The following ARMH4 variants were observed in gnomAD, a reference collection of about 807,000 sequenced individuals.
ARMH4 encodes the protein armadillo like helical domain containing 4, also known as armadillo-like helical domain-containing protein 4.
ARMH4 carries 49 observed loss-of-function variants against 61.9 expected under a neutral mutation model. The observed-to-expected ratio is 0.79, with a 90% CI of 0.63 to 1.00. ARMH4 has a LOEUF of 1.00. Among genes scored for constraint, ARMH4 ranks in the 50% least tolerant of loss-of-function variants. The probability of loss-of-function intolerance (pLI) is 0.00; values close to 1 mark genes in which losing one functional copy is unlikely to be tolerated. For missense variants in ARMH4, 934 were observed against 930.0 expected, an observed-to-expected ratio of 1.00 and a Z score of -0.06; for synonymous variants, 368 against 341.5, an observed-to-expected ratio of 1.08 and a Z score of -0.85.
At chr14:58,041,049 G>A (rs958155852) in intron 5 of ARMH4, among the ~76,000 whole-genome samples, 31 of 152,208 alleles carry the variant, frequency 2.0e-4, no homozygotes, top group African/African-American at 5.3e-4. Context: ...CGCAGAAGAC[G>A]GGTGATTTCT....
intron 5 of ARMH4, among the ~76,000 whole-genome samples, chr14:58,083,895 T>TA: frequency 6.6e-6 from 1 of 152,354 alleles, no homozygotes; most frequent in South Asian, 2.1e-4. Context: ...TTGCCTGGCT[T>TA]CTTCATTAAT....
chr14:58,015,271 C>T (rs1342577967), intron 5 of ARMH4, among the ~76,000 whole-genome samples: 1 of 152,184 alleles, frequency 6.6e-6, no homozygotes, highest in Non-Finnish European at 1.5e-5. Flanking sequence ...TCTGAAGGAG[C>T]ATGTTCCATT....
rs118026510 is a variant in ARMH4 at position 58,004,369 on chromosome 14, A to G, written c.*367T>C. 1,086 of 164,866 alleles carry G rather than the reference A, an allele frequency of 6.6e-3. 10 individuals carry two copies. The highest frequency in any genetic ancestry group is 0.015 in the Middle Eastern group (5 of 328). The allele number at this position is 164,866 out of a possible 1,614,324, so 10.2% of individuals were successfully genotyped here. On this transcript the variant is annotated 3_prime_UTR_variant, in exon 8 of 8. Coordinates refer to ENST00000267485, the MANE Select transcript of ARMH4 (RefSeq NM_001001872.4). The stretch of plus-strand genomic sequence containing the variant: ...CAGAGTCAAGCATGCCTTGGTGGCA[A>G]CAATCATTATTCTCAATGCAGGTAA...
At chr14:58,043,632 G>A (rs2141187065) in intron 5 of ARMH4, among the ~76,000 whole-genome samples, 1 of 152,280 alleles carries the variant, frequency 6.6e-6, no homozygotes, top group Admixed American at 6.5e-5. Flanking sequence ...AGGAAATAAA[G>A]GGTATTCAAT....
At chr14:58,137,641 G>A (rs1367342858) in intron 2 of ARMH4, among the ~76,000 whole-genome samples, 3 of 152,206 alleles carry the variant, frequency 2.0e-5, no homozygotes, top group South Asian at 2.1e-4. Context: ...CAAGTAAGCC[G>A]CCTGCCTTGG....
chr14:58,115,227 A>C (rs1196832272), intron 4 of ARMH4, among the ~76,000 whole-genome samples: 1 of 152,224 alleles, frequency 6.6e-6, no homozygotes, highest in African/African-American at 2.4e-5. Context: ...ATCTATGAGA[A>C]ATTTAAACAA....
intron 5 of ARMH4, among the ~76,000 whole-genome samples, chr14:58,078,187 G>C (rs893591954): frequency 6.6e-6 from 1 of 152,178 alleles, no homozygotes; most frequent in Non-Finnish European, 1.5e-5. Flanking sequence ...AAAAGCTTAT[G>C]AGCTCCTCTG....
At chr14:58,061,647 T>C (rs990898537) in intron 5 of ARMH4, among the ~76,000 whole-genome samples, 8 of 152,174 alleles carry the variant, frequency 5.3e-5, no homozygotes, top group African/African-American at 1.9e-4. Context: ...AAACGTCAAA[T>C]ATGACTATAG....
intron 1 of ARMH4, among the ~76,000 whole-genome samples, chr14:58,142,338 AT>A (rs1225173405): frequency 6.6e-6 from 1 of 152,078 alleles, no homozygotes; most frequent in Non-Finnish European, 1.5e-5. Context: ...GTGTTATCTC[AT>A]TTAGTCTTAT....
At chr14:58,080,117 TTA>T (rs34824218) in intron 5 of ARMH4, among the ~76,000 whole-genome samples, 63,600 of 145,800 alleles carry the variant, frequency 0.44, 13,944 homozygotes, top group Non-Finnish European at 0.46. Flanking sequence ...TTATATTTAT[TTA>T]TATATATATA....
At chr14:58,011,244 A>G (rs1882395952) in intron 6 of ARMH4, among the ~76,000 whole-genome samples, 1 of 152,184 alleles carries the variant, frequency 6.6e-6, no homozygotes, top group South Asian at 2.1e-4. Flanking sequence ...CAATTATATA[A>G]ATTTATTTGC....
chr14:58,104,088 T>G (rs1886088791), intron 4 of ARMH4, among the ~76,000 whole-genome samples: 1 of 152,198 alleles, frequency 6.6e-6, no homozygotes, highest in Non-Finnish European at 1.5e-5. Context: ...TGGAGGACAC[T>G]GCTAGGGTCA....
intron 5 of ARMH4, among the ~76,000 whole-genome samples, chr14:58,029,464 C>A (rs1464850739): frequency 6.6e-6 from 1 of 152,126 alleles, no homozygotes; most frequent in Non-Finnish European, 1.5e-5. Context: ...GAACTCCTGA[C>A]CTCAGGTGAT....
At chr14:58,148,439 G>A (rs1047645766) in intron 1 of ARMH4, among the ~76,000 whole-genome samples, 12 of 152,048 alleles carry the variant, frequency 7.9e-5, no homozygotes, top group Non-Finnish European at 1.5e-4. Context: ...TCCCATTCTG[G>A]CCCATTCTTT....
At chr14:58,058,630 T>C (rs1884425648) in intron 5 of ARMH4, among the ~76,000 whole-genome samples, 1 of 152,190 alleles carries the variant, frequency 6.6e-6, no homozygotes, top group Non-Finnish European at 1.5e-5. Context: ...TTTAGCATGC[T>C]AATGCATTAT....
At chr14:58,012,088 A>C (rs1349436719) in intron 6 of ARMH4, 31 bp downstream of exon 6, 1 of 1,450,550 alleles carries the variant, frequency 6.9e-7, no homozygotes, top group Admixed American at 2.0e-5. Context: ...GCCCCTAAAA[A>C]TAAACCAATG....
In ARMH4 at chr14:58,004,629, C is replaced by A; in HGVS notation, c.*107G>T. The A allele has an allele frequency of 1.1e-6, 1 of 940,398 alleles. No individual in the cohort carries two copies. The highest frequency in any genetic ancestry group is 1.7e-6 in the Non-Finnish European group (1 of 600,240). 58.3% of individuals were successfully genotyped at this position (940,398 alleles called of 1,614,324 possible). The stretch of plus-strand genomic sequence containing the variant: ...AGCACCCAGCAGACACTAGGACTAA[C>A]GGCCTGATAGCAGCAATGTGGCAGG... On this transcript the variant is annotated 3_prime_UTR_variant, in exon 8 of 8. Coordinates refer to ENST00000267485, the MANE Select transcript of ARMH4 (RefSeq NM_001001872.4).
At chr14:58,100,120 G>C (rs971724111) in intron 4 of ARMH4, among the ~76,000 whole-genome samples, 6 of 152,190 alleles carry the variant, frequency 3.9e-5, no homozygotes, top group African/African-American at 1.4e-4. Context: ...AACAGGCATG[G>C]TGCAGGAAGG....
intron 4 of ARMH4, among the ~76,000 whole-genome samples, chr14:58,111,496 G>A (rs1240553750): frequency 1.3e-5 from 2 of 152,154 alleles, no homozygotes; most frequent in Non-Finnish European, 2.9e-5. Flanking sequence ...GAAACTAGGT[G>A]GCTTAAACAA....
Sources: gnomAD v4.1 joint callset for allele counts (sites outside exome capture counted in the v4.1 genomes callset) on GRCh38, gnomAD v4.1.1 for gene constraint, MANE v1.5 for transcripts, NCBI Gene and HGNC (gene_info 2026-07-23, HGNC 2026-07-21) for gene names.